Variants in RAVER1 observed in about 807,000 individuals in gnomAD.
RAVER1 encodes ribonucleoprotein PTB-binding 1.
Under a neutral mutation model 68.4 loss-of-function variants are expected in RAVER1, and 36 were observed. That is an observed-to-expected ratio of 0.53 (90% CI 0.40 to 0.70). The LOEUF (loss-of-function observed/expected upper bound fraction) is 0.70. RAVER1 is among the 30% of genes least tolerant of loss of function. The probability of loss-of-function intolerance (pLI) is 0.00; values close to 1 mark genes in which losing one functional copy is unlikely to be tolerated. For missense variants in RAVER1, 933 were observed against 1,019.8 expected, an observed-to-expected ratio of 0.91 and a Z score of 1.16; for synonymous variants, 469 against 472.7, an observed-to-expected ratio of 0.99 and a Z score of 0.10.
At chr19:10,326,702 G>A (rs537201738) in intron 3 of RAVER1, among the ~76,000 whole-genome samples, 29 of 150,182 alleles carry the variant, frequency 1.9e-4, no homozygotes, top group African/African-American at 6.4e-4. Flanking sequence ...TGATCCGTCC[G>A]TCTCGGCCTC....
At position 10,319,957 on chromosome 19, in the gene RAVER1, C is replaced by T. The variant is rs1034224839; in HGVS notation, c.1770+698G>A. Among the ~76,000 whole-genome samples the T allele has an allele frequency of 2.0e-5, 3 of 151,988 alleles. 1 individual carries two copies. The highest frequency in any genetic ancestry group is 4.4e-5 in the Non-Finnish European group (3 of 68,012). ...GCCTGGCCCAGTTTGCAATTTCTGACCTGCCAAGGAGGTTGGCATCATAGA... is the reference window on the plus strand; with the variant it reads ...GCCTGGCCCAGTTTGCAATTTCTGATCTGCCAAGGAGGTTGGCATCATAGA... On this transcript the variant is annotated intron_variant, in intron 9 of 12. Coordinates refer to ENST00000617231, the MANE Select transcript of RAVER1 (RefSeq NM_133452.3).
chr19:10,321,101 A>T lies in RAVER1; in HGVS notation c.1420T>A (p.Ser474Thr). ...TCTTTCTGGAGGCCTCTGAGGCCAG[A>T]GCCTCGGAGCCCCACAGGGGCGGGG... is the stretch of plus-strand genomic sequence containing the variant. ...PPPAPVGLRG[S>T]GLRGLQKDSG... Residue 474 changes from serine to threonine, a missense_variant, in exon 8 of 13, where the codon TCT (serine) becomes ACT (threonine). By Grantham distance (58) the Ser-to-Thr change is moderately conservative. Transcript: ENST00000617231. 7.6e-7 allele frequency: 1 copy of T among 1,324,362 alleles called. No individual in the cohort carries two copies. Among genetic ancestry groups the T allele is most frequent in the East Asian group, 3.1e-5 (1 of 32,290 alleles). 82.0% of individuals were successfully genotyped at this position (1,324,362 alleles called of 1,614,324 possible). A position where few individuals can be genotyped will look rare whatever the true frequency, so the allele number is the denominator to read the frequency against.
In RAVER1 at chr19:10,322,146, ATGTCTT is replaced by A. The variant is rs1452839734; in HGVS notation, c.1173+493_1173+498del. The A allele has an allele frequency of 6.0e-6, 1 of 165,420 alleles. No homozygotes were observed. The highest frequency in any genetic ancestry group is 1.3e-5 in the Non-Finnish European group (1 of 77,766). 10.2% of individuals were successfully genotyped at this position (165,420 alleles called of 1,614,324 possible). ...GTGTCTATGTGTGTGTCTTTGTCTT[ATGTCTT>A]TGTGTGTCTATGTCTCTGTGTGTAT... On this transcript the variant is annotated intron_variant, in intron 6 of 12. Coordinates refer to ENST00000617231, the MANE Select transcript of RAVER1 (RefSeq NM_133452.3). The surrounding 1 kb of genome is among the most constrained non-coding windows in gnomAD (Gnocchi z 4.3).
In RAVER1 at chr19:10,323,809, C is replaced by A. The variant is rs979674643; in HGVS notation, c.757-243G>T. 2.0e-5 allele frequency among the ~76,000 whole-genome samples: 3 copies of A among 152,134 alleles called. No individual in the cohort carries two copies. The highest frequency in any genetic ancestry group is 4.4e-5 in the Non-Finnish European group (3 of 68,020). On this transcript the variant is annotated intron_variant, in intron 3 of 12. Transcript: ENST00000617231. This position sits in a 1 kb window ranked among gnomAD's most constrained non-coding sequence, Gnocchi z 6.2. ...ACGGAGAGGTCAGCGCACCCAAGGC[C>A]ACACAGCTGGAGGGAGGGCGGAGCT... is the stretch of plus-strand genomic sequence containing the variant.
Position 10,317,354 on chromosome 19 carries a change from C to A in RAVER1, c.*100G>T. On this transcript the variant is annotated 3_prime_UTR_variant, in exon 13 of 13. Transcript: ENST00000617231. This position sits in a 1 kb window ranked among gnomAD's most constrained non-coding sequence, Gnocchi z 4.3. ...AGTCTTTCAGAGATTTTTCTATTAC[C>A]GAAAGAGAGAAAATGGTTTAAAAAA... 7.6e-7 allele frequency: 1 copy of A among 1,320,028 alleles called. No homozygotes were observed. 81.8% of individuals were successfully genotyped at this position (1,320,028 alleles called of 1,614,324 possible). A position where few individuals can be genotyped will look rare whatever the true frequency, so the allele number is the denominator to read the frequency against.
chr19:10,328,948 C>A lies in RAVER1; in HGVS notation c.450G>T (p.Glu150Asp). 1 of 1,606,958 alleles carries A rather than the reference C, an allele frequency of 6.2e-7. No homozygotes were observed. Among genetic ancestry groups the A allele is most frequent in the Non-Finnish European group, 8.5e-7 (1 of 1,175,468 alleles). Residue 150 changes from glutamate to aspartate, a missense_variant, in exon 3 of 13, where the codon GAG becomes GAT. Coordinates refer to ENST00000617231, the MANE Select transcript of RAVER1 (RefSeq NM_133452.3). This position sits in a 1 kb window ranked among gnomAD's most constrained non-coding sequence, Gnocchi z 4.4. ...PPSLTQQQFE[E>D]LVRPFGSLER... ...CCAGGCTGCCGAAGGGCCGCACCAGCTCCTCGAACTGCTGCTGTGTGAGGC... is the reference window on the plus strand; with the variant it reads ...CCAGGCTGCCGAAGGGCCGCACCAGATCCTCGAACTGCTGCTGTGTGAGGC...
Position 10,320,832 on chromosome 19 carries a change from G to A in RAVER1, c.1593C>T (p.Gly531=), listed in dbSNP as rs757700232. The change falls in exon 9 of 13, where the codon GGC becomes GGT. Residue 531 remains glycine, a synonymous_variant. Coordinates refer to ENST00000617231, the MANE Select transcript of RAVER1 (RefSeq NM_133452.3). ...CAGCTGGGCGGCGGCTTCTCCCGGC[G>A]CCTCCCCAGCCCCGGGCCTCCTTAC... The part of the protein sequence containing the change: ...LAGKEARGWG[G]AGRSRRPAEG... 3.6e-5 allele frequency: 55 copies of A among 1,518,002 alleles called. No homozygotes were observed. Among genetic ancestry groups the A allele is most frequent in the Middle Eastern group, 1.8e-4 (1 of 5,672 alleles). 94.0% of individuals were successfully genotyped at this position (1,518,002 alleles called of 1,614,324 possible).
rs781027433 is a variant in RAVER1, at chr19:10,317,499, G to A, written c.2175C>T (p.Gly725=). The change falls in exon 13 of 13, where the codon GGC becomes GGT. Residue 725 remains glycine, a synonymous_variant. Coordinates refer to ENST00000617231, the MANE Select transcript of RAVER1 (RefSeq NM_133452.3). The surrounding 1 kb of genome is among the most constrained non-coding windows in gnomAD (Gnocchi z 4.3). ...SYVGQHSQGL[G]GHYADSYLKR... ...TCAGGTAGGAGTCCGCGTAGTGGCC[G>A]CCGAGGCCCTGGGAGTGCTGGCCCA... 1 of 1,613,446 alleles carries A rather than the reference G, an allele frequency of 6.2e-7. No homozygotes were observed. Among genetic ancestry groups the A allele is most frequent in the Non-Finnish European group, 8.5e-7 (1 of 1,179,378 alleles).
At chr19:10,324,382 T>C (rs2040460954) in intron 3 of RAVER1, among the ~76,000 whole-genome samples, 1 of 151,950 alleles carries the variant, frequency 6.6e-6, no homozygotes, top group Admixed American at 6.6e-5. Context: ...TGTCGGCTTT[T>C]GTTTTGTTTT....
chr19:10,318,093 C>T, intron 11 of RAVER1, 136 bp downstream of exon 11: 1 of 706,924 alleles, frequency 1.4e-6, no homozygotes, highest in Non-Finnish European at 2.4e-6. Flanking sequence ...TGTTGCTACT[C>T]CACCCTGAGC....
chr19:10,321,618 T>C lies in RAVER1; in HGVS notation c.1174A>G (p.Lys392Glu). 7.1e-7 allele frequency: 1 copy of C among 1,414,030 alleles called. No individual in the cohort carries two copies. The highest frequency in any genetic ancestry group is 9.3e-7 in the Non-Finnish European group (1 of 1,079,942). The allele number at this position is 1,414,030 out of a possible 1,614,324, so 87.6% of individuals were successfully genotyped here. ...QLALQTQGQK[K>E]PGILGDSPLG... is the part of the protein sequence containing the mutation. The stretch of plus-strand genomic sequence containing the variant: ...GGTGAGTCTCCCAGGATGCCGGGCT[T>C]CTAGGGACAGAGCACAGACAGTTGC... Residue 392 changes from lysine (K) to glutamate (E), a missense_variant and splice_region_variant, in exon 7 of 13, where the codon AAG (lysine) becomes GAG (glutamate). Coordinates refer to ENST00000617231, the MANE Select transcript of RAVER1 (RefSeq NM_133452.3).
In RAVER1 at chr19:10,319,232, T is replaced by A. The variant is rs776884680; in HGVS notation, c.1779A>T (p.Gly593=). 105 of 1,613,308 alleles carry A rather than the reference T, an allele frequency of 6.5e-5. No individual in the cohort carries two copies. The East Asian group carries it at 2.3e-3, about 35-fold the overall frequency. The change falls in exon 10 of 13, where the codon GGA becomes GGT. Residue 593 remains glycine, a synonymous_variant. Transcript: ENST00000617231. ...GTGGGTGGGAGAAGAGCCGCCGAGGTCCCATGTCCTGAATGAAAGCGGGAG... is the reference window on the plus strand; with the variant it reads ...GTGGGTGGGAGAAGAGCCGCCGAGGACCCATGTCCTGAATGAAAGCGGGAG... ...SYSFDYPSDM[G]PRRLFSHPRE... is the part of the protein sequence containing the mutation.
Position 10,323,176 on chromosome 19 carries a change from G to A in RAVER1, c.1047C>T (p.Pro349=). Residue 349 remains proline (P), a synonymous_variant, in exon 5 of 13, where the codon CCC becomes CCT. Transcript: ENST00000617231. The surrounding 1 kb of genome is among the most constrained non-coding windows in gnomAD (Gnocchi z 6.2). ...PSASLQLLLN[P]LLHGSAGGKQ... Reference sequence around the variant, plus strand: ...TCCCCCCCGCACTGCCATGGAGCAGGGGGTTGAGCAGCAGCTGGAGGGACG... The same window carrying A: ...TCCCCCCCGCACTGCCATGGAGCAGAGGGTTGAGCAGCAGCTGGAGGGACG... 2 of 1,611,212 alleles carry A rather than the reference G, an allele frequency of 1.2e-6. No individual in the cohort carries two copies. Among genetic ancestry groups the A allele is most frequent in the Middle Eastern group, 1.7e-4 (1 of 5,798 alleles).
At chr19:10,318,161 C>T in intron 11 of RAVER1, 68 bp downstream of exon 11, 2 of 1,410,848 alleles carry the variant, frequency 1.4e-6, no homozygotes, top group Admixed American at 2.4e-5. Context: ...TTACAGAGCC[C>T]CGGTGGCAGG....
intron 1 of RAVER1, 91 bp from the exon 2 acceptor site, chr19:10,330,617 C>A: frequency 3.1e-6 from 2 of 655,738 alleles, no homozygotes; most frequent in South Asian, 1.7e-5. Context: ...GCTATGAAGG[C>A]AGGTCAATTA....
chr19:10,321,209 G>A lies in RAVER1; in HGVS notation c.1312C>T (p.Leu438=). The change falls in exon 8 of 13, where the codon CTG becomes TTG. Residue 438 remains leucine, a synonymous_variant. Transcript: ENST00000617231. ...LPPRRGKPPP[L]LPSVLGPAGG... ...GCAGGGCCAAGCACGGATGGCAGCA[G>A]GGGTGGTGGCTTCCCTCGCCGGGGC... 3.9e-6 allele frequency: 5 copies of A among 1,276,918 alleles called. No homozygotes were observed. Among genetic ancestry groups the A allele is most frequent in the Non-Finnish European group, 5.0e-6 (5 of 1,008,014 alleles). The allele number at this position is 1,276,918 out of a possible 1,614,324, so 79.1% of individuals were successfully genotyped here.
chr19:10,318,256 A>G lies in RAVER1; in HGVS notation c.1962T>C (p.Ala654=). 2 of 1,605,802 alleles carry G rather than the reference A, an allele frequency of 1.2e-6. No individual in the cohort carries two copies. The highest frequency in any genetic ancestry group is 1.7e-6 in the Non-Finnish European group (2 of 1,176,848). Residue 654 remains alanine (A), a synonymous_variant, in exon 11 of 13, where the codon GCT becomes GCC. Transcript: ENST00000617231. ...PTSYFTSGLQ[A]GLKQSHLSKA... ...TACTGAGGTGGCTCTGCTTGAGGCC[A>G]GCCTGCAGGCCGCTGGTGAAGTAGG...
At position 10,317,913 on chromosome 19, in the gene RAVER1, C is replaced by A; in HGVS notation, c.1990-140G>T. 1 of 676,496 alleles carries A rather than the reference C, an allele frequency of 1.5e-6. No homozygotes were observed. Among genetic ancestry groups the A allele is most frequent in the Non-Finnish European group, 2.7e-6 (1 of 376,574 alleles). The allele number at this position is 676,496 out of a possible 1,614,324, so 41.9% of individuals were successfully genotyped here. The stretch of plus-strand genomic sequence containing the variant: ...AAATCTTGCTTCTGCTACTTTCTAG[C>A]TATAAGACCTAGGGCCAATTGCTCC... On this transcript the variant is annotated intron_variant, in intron 11 of 12. Transcript: ENST00000617231. The surrounding 1 kb of genome is among the most constrained non-coding windows in gnomAD (Gnocchi z 4.3).
At chr19:10,318,423 C>T (rs2040411122) in intron 10 of RAVER1, 51 bp from the exon 11 acceptor site, 9 of 1,420,344 alleles carry the variant, frequency 6.3e-6, no homozygotes, top group Non-Finnish European at 8.6e-6. Flanking sequence ...GTACCCAGCC[C>T]TTTGTATACA....
Sources: allele counts gnomAD v4.1 joint callset (sites outside exome capture counted in the v4.1 genomes callset), GRCh38; gene constraint gnomAD v4.1.1; non-coding constraint Gnocchi (gnomAD v3.1); transcripts MANE v1.5; gene names NCBI Gene and HGNC (gene_info 2026-07-23, HGNC 2026-07-21).